Variants in DGKB observed in about 807,000 individuals in gnomAD.
The protein encoded by DGKB is 90 kDa diacylglycerol kinase.
In DGKB, 67 loss-of-function variants were observed where a neutral mutation model predicts 114.3. The ratio of observed to expected loss-of-function variants is 0.59; its 90% CI spans 0.48 to 0.72. The LOEUF (loss-of-function observed/expected upper bound fraction) is 0.72, where lower values mean the gene tolerates loss of function less well. DGKB is among the 30% of genes least tolerant of loss of function. DGKB has a pLI of 0.00. For synonymous variants in DGKB, 398 were observed against 323.1 expected, an observed-to-expected ratio of 1.23 and a Z score of -2.49; for missense variants, 907 against 975.2, an observed-to-expected ratio of 0.93 and a Z score of 0.93.
At chr7:14,337,221 T>C (rs1480823173) in intron 23 of DGKB, among the ~76,000 whole-genome samples, 1 of 152,102 alleles carries the variant, frequency 6.6e-6, no homozygotes, top group Non-Finnish European at 1.5e-5. Context: ...TAGAAACTAA[T>C]AATTATATTT....
chr7:14,202,290 A>G (rs17167959), intron 23 of DGKB, among the ~76,000 whole-genome samples: 9,758 of 152,030 alleles, frequency 0.064, 504 homozygotes, highest in East Asian at 0.31. Context: ...AGAGAAGATG[A>G]ATGGTTTGCT....
chr7:14,757,625 G>C, intron 3 of DGKB, 30 bp downstream of exon 3: 1 of 1,306,484 alleles, frequency 7.7e-7, no homozygotes, highest in Non-Finnish European at 1.1e-6. Flanking sequence ...GCATATATAC[G>C]AAACTGATAT....
chr7:14,806,490 C>T (rs1345965116), intron 2 of DGKB, among the ~76,000 whole-genome samples: 3 of 151,004 alleles, frequency 2.0e-5, no homozygotes, highest in Non-Finnish European at 4.4e-5. Context: ...AAATAGTAAA[C>T]ATAAATGGGC....
At chr7:14,343,173 A>G (rs1015836077) in intron 22 of DGKB, among the ~76,000 whole-genome samples, 36 of 150,858 alleles carry the variant, frequency 2.4e-4, no homozygotes, top group Non-Finnish European at 4.6e-4. Flanking sequence ...ACACACACAC[A>G]CACACACACA....
chr7:14,149,142 T>C lies in DGKB; in HGVS notation c.2401A>G (p.Ser801Gly). The C allele has an allele frequency of 6.2e-7, 1 of 1,613,374 alleles. No homozygotes were observed. The highest frequency in any genetic ancestry group is 8.5e-7 in the Non-Finnish European group (1 of 1,179,374). Residue 801 changes from serine (S) to glycine (G), a missense_variant, in exon 26 of 26, where the codon AGC (serine) becomes GGC (glycine). By Grantham distance (56) the Ser-to-Gly change is moderately conservative. Coordinates refer to ENST00000402815, the MANE Select transcript of DGKB (RefSeq NM_001350709.2). The part of the protein sequence containing the change: ...CSLVKRTRNR[S>G]KE ...GAAACAACACAGGATTATTCCTTGC[T>C]TCGGTTTCTTGTCCTTTTGACGAGG...
chr7:14,637,431 G>T (rs1246086585), intron 13 of DGKB, among the ~76,000 whole-genome samples: 3 of 151,484 alleles, frequency 2.0e-5, no homozygotes, highest in East Asian at 3.9e-4. Flanking sequence ...ATCTACAAAT[G>T]TATACTTTTT....
intron 13 of DGKB, among the ~76,000 whole-genome samples, chr7:14,653,952 G>A (rs1815217969): frequency 6.6e-6 from 1 of 151,926 alleles, no homozygotes; most frequent in East Asian, 1.9e-4. Flanking sequence ...AAAGCTTAAA[G>A]CATTTTCTAC....
At chr7:14,515,479 C>T (rs571590652) in intron 20 of DGKB, among the ~76,000 whole-genome samples, 1 of 152,156 alleles carries the variant, frequency 6.6e-6, no homozygotes. Context: ...ATCAAACAAT[C>T]TAACATGTTT....
At chr7:14,248,383 G>A (rs886202121) in intron 23 of DGKB, among the ~76,000 whole-genome samples, 2 of 151,990 alleles carry the variant, frequency 1.3e-5, no homozygotes, top group Admixed American at 1.3e-4. Flanking sequence ...CTATTTCTGT[G>A]AAAAATGCCA....
In DGKB at chr7:14,840,699, AACACACACACACACAC is replaced by A. The variant is rs57577998; in HGVS notation, c.70+479_70+494del. Among the ~76,000 whole-genome samples the A allele has an allele frequency of 1.7e-3, 220 of 130,290 alleles. 1 individual carries two copies. The highest frequency in any genetic ancestry group is 8.5e-3 in the South Asian group (35 of 4,098). 85.5% of individuals were successfully genotyped at this position (130,290 alleles called of 152,430 possible). On this transcript the variant is annotated intron_variant, in intron 2 of 25. Transcript: ENST00000402815. ...GACTCCCTGCTTCCTACTCTCTTTT[AACACACACACACACAC>A]ACACACACACACACACACACACACA...
chr7:14,442,858 A>T (rs1228923708), intron 21 of DGKB, among the ~76,000 whole-genome samples: 1 of 151,972 alleles, frequency 6.6e-6, no homozygotes, highest in Non-Finnish European at 1.5e-5. Context: ...ATGCCATATG[A>T]TTTTTTAAAT....
intron 19 of DGKB, among the ~76,000 whole-genome samples, chr7:14,580,329 C>T (rs1799742166): frequency 1.3e-5 from 2 of 152,190 alleles, no homozygotes. Context: ...TAAGGTCTCA[C>T]ATATGATTTT....
chr7:14,668,238 T>C (rs1250135725), intron 13 of DGKB, among the ~76,000 whole-genome samples: 2 of 152,068 alleles, frequency 1.3e-5, no homozygotes, highest in African/African-American at 4.8e-5. Context: ...ACAGTCACAG[T>C]TGGGCTGAAG....
intron 6 of DGKB, among the ~76,000 whole-genome samples, chr7:14,713,594 G>C (rs1046031577): frequency 3.6e-4 from 53 of 149,182 alleles, no homozygotes; most frequent in African/African-American, 1.2e-3. Flanking sequence ...GTAATAGCTA[G>C]ATAAACTGGT....
chr7:14,643,074 C>T (rs1317937439), intron 13 of DGKB, among the ~76,000 whole-genome samples: 1 of 152,086 alleles, frequency 6.6e-6, no homozygotes, highest in Non-Finnish European at 1.5e-5. Context: ...TCAAATGGAG[C>T]ATCTAAGGGA....
At chr7:14,945,560 A>C (rs1383146960) in intron 1 of DGKB, among the ~76,000 whole-genome samples, 2 of 151,812 alleles carry the variant, frequency 1.3e-5, no homozygotes, top group Non-Finnish European at 2.9e-5. Context: ...TAATGTTAGC[A>C]ACTGTAGTAA....
intron 23 of DGKB, among the ~76,000 whole-genome samples, chr7:14,215,977 A>C (rs1458207952): frequency 6.6e-6 from 1 of 151,766 alleles, no homozygotes; most frequent in African/African-American, 2.4e-5. Flanking sequence ...ATTCATTCAC[A>C]AACAGTTACA....
At chr7:14,482,673 T>C (rs1384768052) in intron 20 of DGKB, among the ~76,000 whole-genome samples, 1 of 152,126 alleles carries the variant, frequency 6.6e-6, no homozygotes, top group Admixed American at 6.6e-5. Flanking sequence ...ATTGAGCTTT[T>C]AGGTAAGAGA....
chr7:14,728,571 C>T (rs998531806), intron 5 of DGKB, among the ~76,000 whole-genome samples: 151 of 152,300 alleles, frequency 9.9e-4, no homozygotes, highest in African/African-American at 3.4e-3. Context: ...CCGATACTTA[C>T]AAGGTCATGA....
Sources: gnomAD v4.1 joint callset for allele counts (sites outside exome capture counted in the v4.1 genomes callset) on GRCh38, gnomAD v4.1.1 for gene constraint, MANE v1.5 for transcripts, NCBI Gene and HGNC (gene_info 2026-07-23, HGNC 2026-07-21) for gene names.